Variants in MAPT observed in about 807,000 individuals in gnomAD.
MAPT encodes the protein microtubule-associated protein tau.
MAPT carries 34 observed loss-of-function variants against 67.9 expected under a neutral mutation model. The observed-to-expected ratio is 0.50, with a 90% CI of 0.38 to 0.67. MAPT has a LOEUF of 0.67. MAPT is among the 30% of genes least tolerant of loss of function. The pLI, the probability that MAPT is intolerant of heterozygous loss-of-function variation, is 0.00. For synonymous variants in MAPT, 456 were observed against 464.5 expected (o/e 0.98, Z 0.23); for missense variants, 881 against 1,115.2 (o/e 0.79, Z 2.99).
intron 9 of MAPT, among the ~76,000 whole-genome samples, chr17:46,003,153 C>G (rs1398641748): frequency 6.6e-6 from 1 of 151,742 alleles, no homozygotes; most frequent in African/African-American, 2.4e-5. Flanking sequence ...TTCCCCCAGC[C>G]TTGCTCTGTC....
At chr17:45,994,115 G>A (rs897000367) in intron 8 of MAPT, 18 of 751,188 alleles carry the variant, frequency 2.4e-5, no homozygotes, top group South Asian at 1.4e-4. Flanking sequence ...AGATGGAGCA[G>A]TCCGAATTCT....
In MAPT at chr17:46,024,152, T is replaced by A. The variant is rs2076700665; in HGVS notation, c.2483T>A (p.Leu828Gln). 6.2e-7 allele frequency: 1 copy of A among 1,613,874 alleles called. No homozygotes were observed. The highest frequency in any genetic ancestry group is 8.5e-7 in the Non-Finnish European group (1 of 1,179,996). ...ATLADEVSAS[L>Q]AKQGL The stretch of plus-strand genomic sequence containing the variant: ...CTAGCTGACGAGGTGTCTGCCTCCC[T>A]GGCCAAGCAGGGTTTGTGATCAGGC... Residue 828 changes from leucine (L) to glutamine (Q), a missense_variant, in exon 13 of 13, where the codon CTG becomes CAG. This residue lies in a region of MAPT where 79 missense variants were observed against 150.9 expected (regional missense o/e 0.52). Coordinates refer to ENST00000262410, the MANE Select transcript of MAPT (RefSeq NM_001377265.1).
At chr17:46,016,628 G>A (rs924778035) in intron 11 of MAPT, among the ~76,000 whole-genome samples, 12 of 151,532 alleles carry the variant, frequency 7.9e-5, no homozygotes, top group South Asian at 2.1e-4. Flanking sequence ...AAAATTAGCC[G>A]GGCATGGTGG....
chr17:45,896,806 A>C lies in MAPT; in HGVS notation c.-18+2120A>C, dbSNP rs188198021. 6.5e-6 allele frequency: 1 copy of C among 152,794 alleles called. No individual in the cohort carries two copies. The allele number at this position is 152,794 out of a possible 1,614,324, so 9.5% of individuals were successfully genotyped here. On this transcript the variant is annotated intron_variant, in intron 1 of 12. Coordinates refer to ENST00000262410, the MANE Select transcript of MAPT (RefSeq NM_001377265.1). This position sits in a 1 kb window ranked among gnomAD's most constrained non-coding sequence, Gnocchi z 5.6. Reference sequence around the variant, plus strand: ...CGTGTCCAAGTTCACCGCGCCCCCAAAACCGAGTCTGGGGCGGCAGGGGGA... The same window carrying C: ...CGTGTCCAAGTTCACCGCGCCCCCACAACCGAGTCTGGGGCGGCAGGGGGA...
rs907420010 is a variant in MAPT at position 45,983,855 on chromosome 17, C to G, written c.1276C>G (p.Leu426Val). Residue 426 changes from leucine to valine, a missense_variant, in exon 5 of 13, where the codon CTT becomes GTT. This residue lies in a region of MAPT where 687 missense variants were observed against 766.1 expected (regional missense o/e 0.90). Coordinates refer to ENST00000262410, the MANE Select transcript of MAPT (RefSeq NM_001377265.1). ...SLGEDTKEAD[L>V]PEPSEKQPAA... Reference sequence around the variant, plus strand: ...GGGAGAGGACACAAAAGAGGCTGACCTTCCAGAGCCCTCTGAAAAGCAGCC... The same window carrying G: ...GGGAGAGGACACAAAAGAGGCTGACGTTCCAGAGCCCTCTGAAAAGCAGCC... 2 of 1,603,132 alleles carry G rather than the reference C, an allele frequency of 1.2e-6. No individual in the cohort carries two copies. The highest frequency in any genetic ancestry group is 2.7e-5 in the African/African-American group (2 of 73,964).
chr17:45,946,154 T>G (rs62062783), intron 1 of MAPT, among the ~76,000 whole-genome samples: 21,813 of 152,134 alleles, frequency 0.14, 2,146 homozygotes, highest in Non-Finnish European at 0.22. Context: ...AGGAAACTGC[T>G]TCTCATCCAC....
chr17:46,025,275 T>A lies in MAPT; in HGVS notation c.*1104T>A, dbSNP rs1390304252. ...AGTGTGTGGGGGTCTGGGAGGCAGG[T>A]CCCGAGCCCCCTGTCCTTCCCACGG... On this transcript the variant is annotated 3_prime_UTR_variant, in exon 13 of 13. Coordinates refer to ENST00000262410, the MANE Select transcript of MAPT (RefSeq NM_001377265.1). 1 of 151,800 alleles carries A rather than the reference T, an allele frequency of 6.6e-6. No homozygotes were observed. Among genetic ancestry groups the A allele is most frequent in the Admixed American group, 6.6e-5 (1 of 15,088 alleles). 9.4% of individuals were successfully genotyped at this position (151,800 alleles called of 1,614,324 possible).
Position 45,989,946 on chromosome 17 carries a change from T to G in MAPT, c.1476T>G (p.Pro492=). The G allele has an allele frequency of 6.2e-7, 1 of 1,614,184 alleles. No individual in the cohort carries two copies. The highest frequency in any genetic ancestry group is 8.5e-7 in the Non-Finnish European group (1 of 1,180,022). The change falls in exon 7 of 13, where the codon CCT becomes CCG. Residue 492 remains proline (P), a synonymous_variant. Transcript: ENST00000262410. ...GCCTTAGCCCCAAACACCCCACTCC[T>G]GGTAGCTCAGACCCTCTGATCCAAC... The part of the protein sequence containing the change: ...RPCLSPKHPT[P]GSSDPLIQPS...
chr17:45,994,671 T>C (rs916384737), intron 8 of MAPT, among the ~76,000 whole-genome samples: 4 of 152,008 alleles, frequency 2.6e-5, no homozygotes, highest in African/African-American at 7.3e-5. Context: ...AAAAACATTA[T>C]TTTTAAAAAA....
chr17:45,937,879 C>T (rs1434392013), intron 1 of MAPT, among the ~76,000 whole-genome samples: 1 of 152,182 alleles, frequency 6.6e-6, no homozygotes, highest in African/African-American at 2.4e-5. Context: ...GACAAGCACC[C>T]TAGCCTCTTG....
chr17:46,000,591 C>T (rs969452757), intron 9 of MAPT, among the ~76,000 whole-genome samples: 7 of 152,148 alleles, frequency 4.6e-5, no homozygotes, highest in African/African-American at 1.7e-4. Flanking sequence ...CATTCCAGTG[C>T]CCGAGCCTCC....
At chr17:45,970,372 A>G (rs1036039824) in intron 2 of MAPT, among the ~76,000 whole-genome samples, 1 of 151,910 alleles carries the variant, frequency 6.6e-6, no homozygotes. Context: ...TAATACATTC[A>G]TCCAATCATC....
In MAPT at chr17:45,980,587, G is replaced by GAT. The variant is rs998409457; in HGVS notation, c.286+2149_286+2150dup. 4.6e-5 allele frequency: 6 copies of GAT among 130,222 alleles called. 1 individual carries two copies. The highest frequency in any genetic ancestry group is 4.5e-4 in the South Asian group (2 of 4,432). 8.1% of individuals were successfully genotyped at this position (130,222 alleles called of 1,614,324 possible). The stretch of plus-strand genomic sequence containing the variant: ...AATTAATCATGTCAGTTTCCTCATT[G>GAT]ATACACACACACACACACTACAATC... On this transcript the variant is annotated intron_variant, in intron 4 of 12. Coordinates refer to ENST00000262410, the MANE Select transcript of MAPT (RefSeq NM_001377265.1).
intron 4 of MAPT, 143 bp from the exon 5 acceptor site, chr17:45,982,723 C>G (rs547723026): frequency 3.3e-5 from 8 of 241,724 alleles, no homozygotes; most frequent in African/African-American, 1.8e-4. Context: ...GGCAACGAGA[C>G]GAGCCCAGAG....
At position 45,987,080 on chromosome 17, in the gene MAPT, T is replaced by C. The variant is rs1293507756; in HGVS notation, c.1392T>C (p.Asp464=). 6.2e-7 allele frequency: 1 copy of C among 1,614,074 alleles called. No homozygotes were observed. Among genetic ancestry groups the C allele is most frequent in the Non-Finnish European group, 8.5e-7 (1 of 1,179,958 alleles). The change falls in exon 6 of 13, where the codon GAT becomes GAC. Residue 464 remains aspartate, a synonymous_variant. Coordinates refer to ENST00000262410, the MANE Select transcript of MAPT (RefSeq NM_001377265.1). ...AAAGCAAAGACGGGACTGGAAGCGA[T>C]GACAAAAAAGCCAAGGTAAGCTGAC... ...VSKSKDGTGS[D]DKKAKTSTRS... is the part of the protein sequence containing the mutation.
chr17:46,002,207 C>T (rs1416456036), intron 9 of MAPT, among the ~76,000 whole-genome samples: 2 of 152,274 alleles, frequency 1.3e-5, no homozygotes, highest in South Asian at 2.1e-4. Flanking sequence ...TGGACGGTGG[C>T]CCTGAAGAGA....
chr17:45,956,067 C>G (rs904667141), intron 1 of MAPT, among the ~76,000 whole-genome samples: 5 of 152,174 alleles, frequency 3.3e-5, no homozygotes, highest in Non-Finnish European at 7.4e-5. Flanking sequence ...CTAATTTGCC[C>G]ATTGAGAACG....
At chr17:45,966,641 A>C (rs2071114054) in intron 2 of MAPT, among the ~76,000 whole-genome samples, 1 of 152,154 alleles carries the variant, frequency 6.6e-6, no homozygotes. Context: ...TACCACTCTT[A>C]TTTTCTGAAG....
At chr17:45,994,037 G>A in intron 8 of MAPT, 3 of 1,494,782 alleles carry the variant, frequency 2.0e-6, no homozygotes, top group Non-Finnish European at 2.7e-6. Context: ...CCATTCACTG[G>A]CTTGTGTTTC....
Sources: allele counts gnomAD v4.1 joint callset (sites outside exome capture counted in the v4.1 genomes callset), GRCh38; gene constraint gnomAD v4.1.1; regional missense constraint gnomAD v4.1.1; non-coding constraint Gnocchi (gnomAD v3.1); transcripts MANE v1.5; gene names NCBI Gene and HGNC (gene_info 2026-07-23, HGNC 2026-07-21).